TNR: variants seen among roughly 807,000 people sequenced by gnomAD.
TNR encodes tenascin R, also known as tenascin-R.
TNR carries 45 observed loss-of-function variants against 150.4 expected under a neutral mutation model. That is an observed-to-expected ratio of 0.30 (90% CI 0.24 to 0.38). The LOEUF is 0.38. Among genes scored for constraint, TNR ranks in the 10% least tolerant of loss-of-function variants. TNR has a pLI of 1.00. For missense variants in TNR, 1,544 were observed against 1,759.1 expected (o/e 0.88, Z 2.19); for synonymous variants, 687 against 678.4 (o/e 1.01, Z -0.20).
rs1269434018 is a variant in TNR at position 175,705,390 on chromosome 1, A to G, written c.-165+37836T>C. 3.3e-5 allele frequency among the ~76,000 whole-genome samples: 5 copies of G among 152,360 alleles called. No homozygotes were observed. The East Asian group carries it at 5.8e-4, about 18-fold the overall frequency. ...AGACATTAAAAAGCCACTGTGATCT[A>G]GAAGCCACATTGTTTTCTAAGGCTT... On this transcript the variant is annotated intron_variant, in intron 1 of 22. Coordinates refer to ENST00000367674, the MANE Select transcript of TNR (RefSeq NM_003285.3).
At chr1:175,727,372 A>G (rs1300328227) in intron 1 of TNR, among the ~76,000 whole-genome samples, 1 of 152,230 alleles carries the variant, frequency 6.6e-6, no homozygotes, top group East Asian at 1.9e-4. Context: ...ATTTGGTGAG[A>G]TTAAGTTCAC....
chr1:175,478,959 A>C (rs1390566725), intron 2 of TNR, among the ~76,000 whole-genome samples: 1 of 152,226 alleles, frequency 6.6e-6, no homozygotes, highest in Non-Finnish European at 1.5e-5. Flanking sequence ...TATGGGTTAC[A>C]TTAGTCTGTG....
intron 2 of TNR, among the ~76,000 whole-genome samples, chr1:175,440,594 G>C (rs368678503): frequency 6.6e-6 from 1 of 151,832 alleles, no homozygotes; most frequent in Non-Finnish European, 1.5e-5. Flanking sequence ...CATTGATGAC[G>C]AGAGCCCAGC....
At chr1:175,636,855 C>T (rs1664505680) in intron 1 of TNR, among the ~76,000 whole-genome samples, 1 of 152,204 alleles carries the variant, frequency 6.6e-6, no homozygotes, top group South Asian at 2.1e-4. Flanking sequence ...AAAAGAATGA[C>T]AATATGTCAA....
intron 1 of TNR, among the ~76,000 whole-genome samples, chr1:175,641,768 T>C (rs749672174): frequency 1.3e-5 from 2 of 152,134 alleles, no homozygotes; most frequent in East Asian, 1.9e-4. Flanking sequence ...GAGGATCCTT[T>C]GTATTAAACC....
intron 18 of TNR, among the ~76,000 whole-genome samples, chr1:175,347,302 C>T (rs11806265): frequency 0.2 from 30,799 of 152,048 alleles, 3,857 homozygotes; most frequent in African/African-American, 0.35. Context: ...AAATTCTATA[C>T]CTTGATAAAT....
intron 1 of TNR, among the ~76,000 whole-genome samples, chr1:175,586,808 G>C (rs1356846387): frequency 1.3e-5 from 2 of 152,196 alleles, no homozygotes; most frequent in Non-Finnish European, 2.9e-5. Context: ...GTCTTTAAAG[G>C]ATGGGATAAA....
chr1:175,711,837 T>C (rs1382064037), intron 1 of TNR, among the ~76,000 whole-genome samples: 1 of 152,056 alleles, frequency 6.6e-6, no homozygotes, highest in Non-Finnish European at 1.5e-5. Flanking sequence ...AGTTGGGAAA[T>C]TGTCATTTGA....
chr1:175,357,417 A>T (rs1351458418), intron 15 of TNR, among the ~76,000 whole-genome samples: 5 of 152,186 alleles, frequency 3.3e-5, no homozygotes, highest in African/African-American at 9.7e-5. Flanking sequence ...TGAGATTTCA[A>T]GTTTCTTGTG....
At chr1:175,605,555 T>C (rs1339793917) in intron 1 of TNR, among the ~76,000 whole-genome samples, 1 of 152,182 alleles carries the variant, frequency 6.6e-6, no homozygotes, top group East Asian at 1.9e-4. Context: ...GATAAGCAAA[T>C]TGACAATTAT....
At chr1:175,390,357 C>T (rs953412444) in intron 7 of TNR, among the ~76,000 whole-genome samples, 1 of 152,212 alleles carries the variant, frequency 6.6e-6, no homozygotes, top group Non-Finnish European at 1.5e-5. Context: ...TACCAATAGT[C>T]ACCTATCTCA....
chr1:175,658,667 T>G (rs1665269483), intron 1 of TNR, among the ~76,000 whole-genome samples: 1 of 152,214 alleles, frequency 6.6e-6, no homozygotes, highest in South Asian at 2.1e-4. Context: ...CTTCCAGTCA[T>G]TTATACCACT....
rs530377088 is a variant in TNR at position 175,522,199 on chromosome 1, G to A, written c.-64+6070C>T. 2.6e-5 allele frequency among the ~76,000 whole-genome samples: 4 copies of A among 152,270 alleles called. No homozygotes were observed. In the South Asian group the frequency reaches 8.3e-4, roughly 32 times the overall value. The stretch of plus-strand genomic sequence containing the variant: ...GCTTAAGTGTGCTGGATGCCATGTG[G>A]GCTTAGAAGATTTCTGACTCCTAGT... On this transcript the variant is annotated intron_variant, in intron 2 of 22. Transcript: ENST00000367674.
At chr1:175,656,131 G>A (rs1037753148) in intron 1 of TNR, among the ~76,000 whole-genome samples, 3 of 149,024 alleles carry the variant, frequency 2.0e-5, no homozygotes, top group South Asian at 2.2e-4. Context: ...AAGACGGGGA[G>A]GAAGGTTGAA....
chr1:175,487,246 G>A (rs1011301567), intron 2 of TNR, among the ~76,000 whole-genome samples: 1 of 152,128 alleles, frequency 6.6e-6, no homozygotes, highest in Admixed American at 6.5e-5. Flanking sequence ...TTCACAATAG[G>A]GTGCAAGCTT....
intron 1 of TNR, among the ~76,000 whole-genome samples, chr1:175,622,632 C>G (rs1664017331): frequency 1.3e-5 from 2 of 152,218 alleles, no homozygotes; most frequent in Admixed American, 6.5e-5. Flanking sequence ...TCCCAGAACT[C>G]TCTAGACTGC....
At chr1:175,469,334 T>C (rs1247990158) in intron 2 of TNR, among the ~76,000 whole-genome samples, 1 of 152,120 alleles carries the variant, frequency 6.6e-6, no homozygotes, top group Admixed American at 6.5e-5. Context: ...GAGACCCAAT[T>C]GCTGTAAGAA....
intron 1 of TNR, among the ~76,000 whole-genome samples, chr1:175,640,915 A>G (rs550580626): frequency 2.2e-4 from 34 of 152,094 alleles, no homozygotes; most frequent in Non-Finnish European, 4.1e-4. Context: ...AGTGCCTTGT[A>G]TGAGATTATG....
At chr1:175,675,217 G>A (rs1665823630) in intron 1 of TNR, among the ~76,000 whole-genome samples, 1 of 152,212 alleles carries the variant, frequency 6.6e-6, no homozygotes, top group Non-Finnish European at 1.5e-5. Context: ...CCGCTGGCTT[G>A]TTAGCAATGC....
Sources: allele counts gnomAD v4.1 joint callset (sites outside exome capture counted in the v4.1 genomes callset), GRCh38; gene constraint gnomAD v4.1.1; transcripts MANE v1.5; gene names NCBI Gene and HGNC (gene_info 2026-07-23, HGNC 2026-07-21).